The following TRIM77 variants were observed in gnomAD, a reference collection of about 807,000 sequenced individuals.
The protein encoded by TRIM77 is tripartite motif containing 77, also known as tripartite motif-containing protein 77.
TRIM77 carries 23 observed loss-of-function variants against 31.8 expected under a neutral mutation model. The observed-to-expected ratio is 0.72, with a 90% CI of 0.52 to 1.02. The LOEUF (loss-of-function observed/expected upper bound fraction) is 1.02. Ranked by LOEUF, TRIM77 falls within the 50% of genes least tolerant of loss-of-function variation. The pLI, the probability that TRIM77 is intolerant of heterozygous loss-of-function variation, is 0.00. For missense variants in TRIM77, 446 were observed against 539.2 expected (o/e 0.83, Z 1.71); for synonymous variants, 159 against 183.1 (o/e 0.87, Z 1.06).
chr11:89,713,455 CAATAATAATAATAATAATAAT>C (rs71052248), intron 2 of TRIM77, among the ~76,000 whole-genome samples: 9 of 122,390 alleles, frequency 7.4e-5, no homozygotes, highest in South Asian at 5.9e-4. Context: ...GACCTTGTCT[CAATAATAATAATAATAATAAT>C]AATAATAATA....
intron 2 of TRIM77, among the ~76,000 whole-genome samples, chr11:89,713,505 T>A (rs1949138902): frequency 7.1e-6 from 1 of 140,188 alleles, no homozygotes; most frequent in South Asian, 2.2e-4. Flanking sequence ...AATAATAATA[T>A]AATTGAGTGA....
In TRIM77 at chr11:89,717,771, G is replaced by T; in HGVS notation, c.1252G>T (p.Val418Leu). ...GVFLDYECGI[V>L]SFVNVAQSSL... ...GTTCCTGGATTATGAATGTGGGATA[G>T]TGAGCTTTGTTAATGTTGCCCAAAG... The change falls in exon 6 of 6, where the codon GTG becomes TTG. Residue 418 changes from valine (V) to leucine (L), a missense_variant. Transcript: ENST00000398290. 12 of 1,551,244 alleles carry T rather than the reference G, an allele frequency of 7.7e-6. No individual in the cohort carries two copies. The highest frequency in any genetic ancestry group is 1.0e-5 in the Non-Finnish European group (12 of 1,146,716).
chr11:89,717,281 C>A, intron 5 of TRIM77, 98 bp from the exon 6 acceptor site: 2 of 1,141,870 alleles, frequency 1.8e-6, no homozygotes, highest in Non-Finnish European at 2.4e-6. Context: ...TGTTTGTTTT[C>A]AGGGATTGGT....
Position 89,717,625 on chromosome 11 carries a change from G to A in TRIM77, c.1106G>A (p.Arg369Gln), listed in dbSNP as rs772195509. The change falls in exon 6 of 6, where the codon CGA (arginine) becomes CAA (glutamine). Residue 369 changes from arginine to glutamine, a missense_variant. Transcript: ENST00000398290. Reference protein sequence around the residue: ...REAWTKRNDMRLDSEGIFLLL... With the variant: ...REAWTKRNDMQLDSEGIFLLL... ...GCCTGGACAAAGAGGAATGACATGC[G>A]ACTTGACTCTGAGGGTATCTTTCTA... The A allele has an allele frequency of 2.1e-5, 32 of 1,551,194 alleles. No homozygotes were observed. The highest frequency in any genetic ancestry group is 3.9e-5 in the Admixed American group (2 of 50,950).
In TRIM77 at chr11:89,714,226, C is replaced by G. The variant is rs1949145259; in HGVS notation, c.542C>G (p.Ala181Gly). 19 of 1,551,502 alleles carry G rather than the reference C, an allele frequency of 1.2e-5. No homozygotes were observed. The highest frequency in any genetic ancestry group is 1.6e-5 in the Non-Finnish European group (18 of 1,146,898). The change falls in exon 3 of 6, where the codon GCT becomes GGT. Residue 181 changes from alanine (A) to glycine (G), a missense_variant. Ala to Gly is a moderately conservative substitution (Grantham distance 60). Transcript: ENST00000398290. ...AATTTGCGGAGCATGATGATCAGTG[C>G]TGAATATCCTAAGGTGTGTCAATAC... ...FINLRSMMISAEYPKVCQYLR... is the reference protein window; with the variant it reads ...FINLRSMMISGEYPKVCQYLR...
At position 89,715,902 on chromosome 11, in the gene TRIM77, GA is replaced by G; in HGVS notation, c.775del (p.Arg259GlyfsTer8). ...TTTTTCTTTGCAGGAATGAGTTTCT[GA>G]GGCTGGCCATGCCTCAGCCTGTGAA... Reference protein sequence around the residue: ...GDVMKRNEFLRLAMPQPVNPQ... With the variant: ...GDVMKRNEFLXLAMPQPVNPQ... On this transcript the variant is annotated frameshift_variant, in exon 5 of 6. Transcript: ENST00000398290. LOFTEE classifies it high-confidence loss of function. 1 of 1,535,018 alleles carries G rather than the reference GA, an allele frequency of 6.5e-7. No individual in the cohort carries two copies.
chr11:89,711,954 G>A (rs568697145), intron 2 of TRIM77, among the ~76,000 whole-genome samples: 4 of 152,196 alleles, frequency 2.6e-5, no homozygotes, highest in East Asian at 3.9e-4. Context: ...TTAGAAAAGC[G>A]GTAAAATTAT....
At position 89,717,729 on chromosome 11, in the gene TRIM77, C is replaced by G; in HGVS notation, c.1210C>G (p.Gln404Glu). The G allele has an allele frequency of 6.4e-7, 1 of 1,551,264 alleles. No individual in the cohort carries two copies. Among genetic ancestry groups the G allele is most frequent in the Non-Finnish European group, 8.7e-7 (1 of 1,146,718 alleles). ...GTTACCTCACTATATTCCAAGGCCCCAAGGCTGGCTAGGGGTGTTCCTGGA... is the reference window on the plus strand; with the variant it reads ...GTTACCTCACTATATTCCAAGGCCCGAAGGCTGGCTAGGGGTGTTCCTGGA... ...PLLPHYIPRP[Q>E]GWLGVFLDYE... Residue 404 changes from glutamine to glutamate, a missense_variant, in exon 6 of 6, where the codon CAA (glutamine) becomes GAA (glutamate). Gln to Glu is a conservative substitution (Grantham distance 29, BLOSUM62 2). Coordinates refer to ENST00000398290, the MANE Select transcript of TRIM77 (RefSeq NM_001146162.1).
chr11:89,710,577 T>C lies in TRIM77; in HGVS notation c.279T>C (p.Cys93=). Residue 93 remains cysteine (C), a synonymous_variant, in exon 1 of 6, where the codon TGT becomes TGC. Coordinates refer to ENST00000398290, the MANE Select transcript of TRIM77 (RefSeq NM_001146162.1). ...TATCAAGCTCTGCCATGCTGATCTG[T>C]AGGAGACACCAGGAAATCAAGAACC... ...CQLSSSAMLI[C]RRHQEIKNLI... The C allele has an allele frequency of 1.9e-6, 3 of 1,551,698 alleles. No individual in the cohort carries two copies. Among genetic ancestry groups the C allele is most frequent in the East Asian group, 2.4e-5 (1 of 40,918 alleles).
intron 2 of TRIM77, 130 bp from the exon 3 acceptor site, chr11:89,714,062 T>C (rs1386332448): frequency 6.3e-6 from 4 of 631,488 alleles, no homozygotes; most frequent in Non-Finnish European, 8.2e-6. Flanking sequence ...ATTTATACTG[T>C]ATTTGAAGTG....
Position 89,715,196 on chromosome 11 carries a change from T to C in TRIM77, c.761+16T>C. 8.4e-6 allele frequency: 13 copies of C among 1,550,900 alleles called. No homozygotes were observed. The highest frequency in any genetic ancestry group is 2.4e-5 in the South Asian group (2 of 84,024). On this transcript the variant is annotated intron_variant, in intron 4 of 5. Transcript: ENST00000398290. ...TAATGAAAAGGTAAGTTTGCCCCTCTATCCAAGTCCTGGTAATTGTGACAA... is the reference window on the plus strand; with the variant it reads ...TAATGAAAAGGTAAGTTTGCCCCTCCATCCAAGTCCTGGTAATTGTGACAA...
chr11:89,714,473 G>A lies in TRIM77; in HGVS notation c.738+51G>A, dbSNP rs367692431. 5.6e-4 allele frequency: 666 copies of A among 1,196,746 alleles called. 3 individuals are homozygous for A. Among genetic ancestry groups the A allele is most frequent in the South Asian group, 4.0e-3 (281 of 70,712 alleles). 74.1% of individuals were successfully genotyped at this position (1,196,746 alleles called of 1,614,324 possible). On this transcript the variant is annotated intron_variant, in intron 3 of 5. Coordinates refer to ENST00000398290, the MANE Select transcript of TRIM77 (RefSeq NM_001146162.1). Reference sequence around the variant, plus strand: ...CTGAACACCACCCTGCTTGGGAATCGTATCTGCTAGAGTCTATATCCTTTT... The same window carrying A: ...CTGAACACCACCCTGCTTGGGAATCATATCTGCTAGAGTCTATATCCTTTT...
In TRIM77 at chr11:89,712,454, A is replaced by T. The variant is rs528574658; in HGVS notation, c.507+949A>T. Among the ~76,000 whole-genome samples, 39 of 152,314 alleles carry T rather than the reference A, an allele frequency of 2.6e-4. No individual in the cohort carries two copies. The East Asian group carries it at 7.5e-3, about 29-fold the overall frequency. ...ATCTACAAATTAAAATGTAAACTTT[A>T]TAATAAATAATGTTCGTGAAGTGCT... On this transcript the variant is annotated intron_variant, in intron 2 of 5. Coordinates refer to ENST00000398290, the MANE Select transcript of TRIM77 (RefSeq NM_001146162.1).
In TRIM77 at chr11:89,710,528, C is replaced by A. The variant is rs772533321; in HGVS notation, c.230C>A (p.Thr77Lys). Residue 77 changes from threonine to lysine, a missense_variant, in exon 1 of 6, where the codon ACA (threonine) becomes AAA (lysine). Physicochemically the swap from Thr to Lys is moderately conservative, Grantham distance 78. Transcript: ENST00000398290. The stretch of plus-strand genomic sequence containing the variant: ...TTTGCTGAGAAACAAGTTATTCCTA[C>A]AAGAGAATCAGTCCCCTGCCAGTTA... The part of the protein sequence containing the change: ...IIFAEKQVIP[T>K]RESVPCQLSS... The A allele has an allele frequency of 1.3e-6, 2 of 1,551,672 alleles. No homozygotes were observed. Among genetic ancestry groups the A allele is most frequent in the African/African-American group, 1.4e-5 (1 of 73,164 alleles).
chr11:89,717,267 T>C, intron 5 of TRIM77, 112 bp from the exon 6 acceptor site: 1 of 1,031,574 alleles, frequency 9.7e-7, no homozygotes, highest in Non-Finnish European at 1.4e-6. Flanking sequence ...CAGTTGCTTT[T>C]GTTTGTTTGT....
chr11:89,712,314 G>C (rs532517456), intron 2 of TRIM77, among the ~76,000 whole-genome samples: 2 of 152,090 alleles, frequency 1.3e-5, no homozygotes, highest in Non-Finnish European at 2.9e-5. Flanking sequence ...CTGCATTCTC[G>C]TGAGGGCCTA....
At chr11:89,714,466 G>A (rs1949147635) in intron 3 of TRIM77, 44 bp downstream of exon 3, 1 of 1,292,760 alleles carries the variant, frequency 7.7e-7, no homozygotes, top group Non-Finnish European at 1.1e-6. Context: ...CACCCTGCTT[G>A]GGAATCGTAT....
At position 89,715,892 on chromosome 11, in the gene TRIM77, A is replaced by G; in HGVS notation, c.764A>G (p.Asn255Ser). ...AAAGTAGGTATTTTTCTTTGCAGGA[A>G]TGAGTTTCTGAGGCTGGCCATGCCT... ...PQDLGDVMKR[N>S]EFLRLAMPQP... Residue 255 changes from asparagine (N) to serine (S), a missense_variant and splice_region_variant, in exon 5 of 6, where the codon AAT (asparagine) becomes AGT (serine). Physicochemically the swap from Asn to Ser is conservative, Grantham distance 46. Coordinates refer to ENST00000398290, the MANE Select transcript of TRIM77 (RefSeq NM_001146162.1). 2 of 1,525,886 alleles carry G rather than the reference A, an allele frequency of 1.3e-6. No individual in the cohort carries two copies. The highest frequency in any genetic ancestry group is 2.5e-5 in the East Asian group (1 of 40,306). The allele number at this position is 1,525,886 out of a possible 1,614,324, so 94.5% of individuals were successfully genotyped here. A position where few individuals can be genotyped will look rare whatever the true frequency, so the allele number is the denominator to read the frequency against.
chr11:89,711,748 A>T (rs953039103), intron 2 of TRIM77, among the ~76,000 whole-genome samples: 1 of 152,200 alleles, frequency 6.6e-6, no homozygotes, highest in African/African-American at 2.4e-5. Flanking sequence ...CAGCAGTGAC[A>T]AGAAATGTGC....
Sources: gnomAD v4.1 joint callset for allele counts (sites outside exome capture counted in the v4.1 genomes callset) on GRCh38, gnomAD v4.1.1 for gene constraint, MANE v1.5 for transcripts, NCBI Gene and HGNC (gene_info 2026-07-23, HGNC 2026-07-21) for gene names.